The following CLDN14 variants were observed in gnomAD, a reference collection of about 807,000 sequenced individuals.
CLDN14 encodes claudin-14.
CLDN14 carries 2 observed loss-of-function variants against 2.1 expected under a neutral mutation model. That is an observed-to-expected ratio of 0.96 (90% confidence interval 0.39 to 3.01). The LOEUF (loss-of-function observed/expected upper bound fraction) is 3.01. CLDN14 is among the 30% of genes most tolerant of loss of function. CLDN14 has a pLI of 0.09. For synonymous variants in CLDN14, 136 were observed against 154.4 expected (o/e 0.88, Z 0.88); for missense variants, 298 against 328.0 (o/e 0.91, Z 0.71).
At chr21:36,571,322 G>A (rs1188735853) in intron 1 of CLDN14, among the ~76,000 whole-genome samples, 1 of 152,204 alleles carries the variant, frequency 6.6e-6, no homozygotes, top group Non-Finnish European at 1.5e-5. Context: ...AATAAAAGTA[G>A]TTATGTCATG....
chr21:36,463,088 A>T (rs2086600559), intron 1 of CLDN14, among the ~76,000 whole-genome samples: 1 of 152,134 alleles, frequency 6.6e-6, no homozygotes, highest in African/African-American at 2.4e-5. Flanking sequence ...AGGGAGTGGA[A>T]GTCTTGAGTG....
intron 1 of CLDN14, among the ~76,000 whole-genome samples, chr21:36,559,636 C>T (rs2087620893): frequency 6.6e-6 from 1 of 152,180 alleles, no homozygotes; most frequent in African/African-American, 2.4e-5. Flanking sequence ...CAAGAACAAA[C>T]AAAGCTTTTC....
At chr21:36,470,365 T>C (rs1033180833) in intron 1 of CLDN14, among the ~76,000 whole-genome samples, 3 of 151,942 alleles carry the variant, frequency 2.0e-5, no homozygotes, top group South Asian at 4.1e-4. Context: ...AAGACGGAGA[T>C]AGAAAGAACA....
At chr21:36,523,978 A>C (rs922741742) in intron 1 of CLDN14, among the ~76,000 whole-genome samples, 1 of 152,064 alleles carries the variant, frequency 6.6e-6, no homozygotes, top group African/African-American at 2.4e-5. Context: ...CCTGAATGCC[A>C]GTTCCAAACA....
intron 1 of CLDN14, among the ~76,000 whole-genome samples, chr21:36,535,927 G>A (rs1388503797): frequency 1.3e-5 from 2 of 152,192 alleles, no homozygotes; most frequent in Non-Finnish European, 2.9e-5. Flanking sequence ...GAGGCAAAGT[G>A]GCATGAAAGG....
intron 2 of CLDN14, among the ~76,000 whole-genome samples, chr21:36,508,465 C>G (rs58998624): frequency 0.047 from 7,093 of 152,200 alleles, 546 homozygotes; most frequent in African/African-American, 0.16. Context: ...GATTTGAAAA[C>G]AGCATTAGGG....
At chr21:36,532,171 G>A (rs552355510) in intron 1 of CLDN14, 2 of 152,204 alleles carry the variant, frequency 1.3e-5, no homozygotes, top group East Asian at 3.9e-4. Flanking sequence ...CACTAGGCTG[G>A]GAGTCAAGAG....
At chr21:36,489,131 A>AAAAAAAAATATAT in intron 2 of CLDN14, among the ~76,000 whole-genome samples, 2 of 62,750 alleles carry the variant, frequency 3.2e-5, no homozygotes, top group South Asian at 6.0e-4. Flanking sequence ...AAAAAAAAAA[A>AAAAAAAAATATAT]ATATATATAT....
In CLDN14 at chr21:36,485,537, G is replaced by A. The variant is rs76572519; in HGVS notation, c.-81-23761C>T. ...GCTCTGATTTTCGTTAGGATCAGACGGATCACTTCTGTCACCAGCGATACC... is the reference window on the plus strand; with the variant it reads ...GCTCTGATTTTCGTTAGGATCAGACAGATCACTTCTGTCACCAGCGATACC... On this transcript the variant is annotated intron_variant, in intron 2 of 2. Coordinates refer to the CLDN14 transcript ENST00000342108. 4.0e-4 allele frequency among the ~76,000 whole-genome samples: 60 copies of A among 150,852 alleles called. 1 individual carries two copies. The East Asian group carries it at 0.011, about 28-fold the overall frequency.
intron 1 of CLDN14, among the ~76,000 whole-genome samples, chr21:36,472,517 G>A (rs1401032073): frequency 6.6e-6 from 1 of 152,194 alleles, no homozygotes; most frequent in Non-Finnish European, 1.5e-5. Flanking sequence ...TGTGAAGTTA[G>A]TCCTTGGACA....
Position 36,551,145 on chromosome 21 carries a change from C to T in CLDN14, c.-220+25266G>A, listed in dbSNP as rs1052639506. Among the ~76,000 whole-genome samples the T allele has an allele frequency of 1.3e-5, 2 of 152,204 alleles. No homozygotes were observed. The highest frequency in any genetic ancestry group is 4.8e-5 in the African/African-American group (2 of 41,456). On this transcript the variant is annotated intron_variant, in intron 1 of 2. Coordinates refer to the CLDN14 transcript ENST00000342108. This position sits in a 1 kb window ranked among gnomAD's most constrained non-coding sequence, Gnocchi z 4.8. ...AGCCTCCAGAAGGAACCAGCCCTTC[C>T]TACCCCGCAATTTCGGACTTCCTGT...
chr21:36,476,561 T>C (rs1348178587), intron 1 of CLDN14, among the ~76,000 whole-genome samples: 2 of 152,150 alleles, frequency 1.3e-5, no homozygotes. Context: ...CAAGTGATTC[T>C]CCTGCCTCAG....
At chr21:36,536,746 A>G (rs985090971) in intron 1 of CLDN14, among the ~76,000 whole-genome samples, 35 of 152,180 alleles carry the variant, frequency 2.3e-4, no homozygotes, top group African/African-American at 8.0e-4. Flanking sequence ...CTTTTTTTCA[A>G]CAGACTTTCT....
intron 1 of CLDN14, among the ~76,000 whole-genome samples, chr21:36,531,020 C>T (rs936456288): frequency 2.6e-5 from 4 of 152,112 alleles, no homozygotes; most frequent in African/African-American, 9.7e-5. Context: ...CACTTGAGGT[C>T]AGGAGTTCGA....
chr21:36,562,123 C>T (rs2087640533), intron 1 of CLDN14, among the ~76,000 whole-genome samples: 1 of 152,224 alleles, frequency 6.6e-6, no homozygotes. Context: ...GATAGATCCT[C>T]TAGCTAATGT....
chr21:36,555,806 AGTGTGTGTGTGT>A (rs142473999), intron 1 of CLDN14, among the ~76,000 whole-genome samples: 29,116 of 143,224 alleles, frequency 0.2, 2,983 homozygotes, highest in Non-Finnish European at 0.22. Context: ...TCTATAGGTC[AGTGTGTGTGTGT>A]GTGTGTGTGT....
chr21:36,518,426 C>A (rs1389150982), intron 1 of CLDN14, among the ~76,000 whole-genome samples: 1 of 152,102 alleles, frequency 6.6e-6, no homozygotes, highest in Non-Finnish European at 1.5e-5. Flanking sequence ...CATGGTGAAA[C>A]CCCATCTCTA....
At chr21:36,501,332 CT>C (rs58458004) in intron 2 of CLDN14, among the ~76,000 whole-genome samples, 36 of 48,414 alleles carry the variant, frequency 7.4e-4, no homozygotes, top group East Asian at 3.8e-3. Context: ...CAATATCTCA[CT>C]TTTTTTTTTT....
At chr21:36,565,972 T>A (rs1231315200) in intron 1 of CLDN14, among the ~76,000 whole-genome samples, 1 of 152,230 alleles carries the variant, frequency 6.6e-6, no homozygotes, top group Non-Finnish European at 1.5e-5. Context: ...TTACAGTTAT[T>A]TTTTAGTCTA....
Sources: gnomAD v4.1 joint callset for allele counts (sites outside exome capture counted in the v4.1 genomes callset) on GRCh38, gnomAD v4.1.1 for gene constraint, Gnocchi (gnomAD v3.1) non-coding constraint, MANE v1.5 for transcripts, NCBI Gene and HGNC (gene_info 2026-07-23, HGNC 2026-07-21) for gene names.